The following LRFN5 variants were observed in gnomAD, a reference collection of about 807,000 sequenced individuals.
LRFN5 encodes the protein leucine-rich repeat and fibronectin type-III domain-containing protein 5.
Under a neutral mutation model 45.6 loss-of-function variants are expected in LRFN5, and 24 were observed. The observed-to-expected ratio is 0.53, with a 90% CI of 0.38 to 0.74. The LOEUF (loss-of-function observed/expected upper bound fraction) is 0.74, where lower values mean the gene tolerates loss of function less well. Among genes scored for constraint, LRFN5 ranks in the 30% least tolerant of loss-of-function variants. LRFN5 has a pLI of 0.00. For missense variants in LRFN5, 776 were observed against 861.5 expected (o/e 0.90, Z 1.24); for synonymous variants, 340 against 313.8 (o/e 1.08, Z -0.88).
At chr14:41,633,535 A>G (rs1212942998) in intron 1 of LRFN5, among the ~76,000 whole-genome samples, 1 of 152,176 alleles carries the variant, frequency 6.6e-6, no homozygotes, top group Non-Finnish European at 1.5e-5. Context: ...GTTTAGTGAA[A>G]CAATCTGCTA....
At chr14:41,840,578 A>G (rs1016525821) in intron 2 of LRFN5, among the ~76,000 whole-genome samples, 1 of 152,030 alleles carries the variant, frequency 6.6e-6, no homozygotes, top group Admixed American at 6.6e-5. Context: ...CAATGATAAG[A>G]ACTCTGGTGT....
chr14:41,824,120 T>C (rs894249937), intron 2 of LRFN5, among the ~76,000 whole-genome samples: 6 of 152,302 alleles, frequency 3.9e-5, no homozygotes, highest in Admixed American at 2.0e-4. Context: ...TCTGATCTAA[T>C]TGAGTTCCCT....
At chr14:41,902,709 T>C (rs1041512621) in intron 5 of LRFN5, among the ~76,000 whole-genome samples, 1 of 151,870 alleles carries the variant, frequency 6.6e-6, no homozygotes, top group African/African-American at 2.4e-5. Flanking sequence ...CTTAAACTAG[T>C]TATTTTGTCC....
chr14:41,659,586 C>T (rs1880541078), intron 1 of LRFN5, among the ~76,000 whole-genome samples: 2 of 152,090 alleles, frequency 1.3e-5, no homozygotes, highest in African/African-American at 4.8e-5. Context: ...ATTGCTGGGT[C>T]AAATGGTATT....
chr14:41,842,099 T>C (rs1251043625), intron 2 of LRFN5, among the ~76,000 whole-genome samples: 1 of 152,074 alleles, frequency 6.6e-6, no homozygotes, highest in African/African-American at 2.4e-5. Context: ...CAATTTGATA[T>C]ATGCTATAAA....
At chr14:41,754,522 A>G (rs1285593681) in intron 1 of LRFN5, among the ~76,000 whole-genome samples, 5 of 152,128 alleles carry the variant, frequency 3.3e-5, no homozygotes, top group Non-Finnish European at 5.9e-5. Flanking sequence ...GAATTTATCC[A>G]TTTCTTCTAG....
At chr14:41,783,672 C>T (rs377588194) in intron 2 of LRFN5, among the ~76,000 whole-genome samples, 3 of 151,910 alleles carry the variant, frequency 2.0e-5, no homozygotes, top group Non-Finnish European at 2.9e-5. Flanking sequence ...TACAGTACCT[C>T]TTTAAGACTT....
intron 2 of LRFN5, among the ~76,000 whole-genome samples, chr14:41,803,314 T>C (rs1054130000): frequency 5.3e-5 from 8 of 152,166 alleles, no homozygotes; most frequent in Non-Finnish European, 1.2e-4. Context: ...TTTAAAAAGC[T>C]AATTCAACTC....
intron 2 of LRFN5, among the ~76,000 whole-genome samples, chr14:41,781,622 GAAA>G (rs1886520153): frequency 8.3e-6 from 1 of 120,818 alleles, no homozygotes; most frequent in African/African-American, 3.4e-5. Context: ...GAAAGAGAAA[GAAA>G]GAAAGAAAGG....
intron 2 of LRFN5, among the ~76,000 whole-genome samples, chr14:41,774,282 C>T (rs1394098944): frequency 6.6e-6 from 1 of 152,080 alleles, no homozygotes; most frequent in Non-Finnish European, 1.5e-5. Flanking sequence ...TGTGAATGTG[C>T]AGTTGATCTC....
intron 2 of LRFN5, among the ~76,000 whole-genome samples, chr14:41,802,022 A>T (rs17781427): frequency 0.15 from 22,874 of 152,090 alleles, 1,852 homozygotes; most frequent in Non-Finnish European, 0.18. Flanking sequence ...TTAGATGAGA[A>T]GAAACAGGGT....
chr14:41,722,565 G>GTTTTT (rs201341679), intron 1 of LRFN5, among the ~76,000 whole-genome samples: 1 of 145,778 alleles, frequency 6.9e-6, no homozygotes, highest in African/African-American at 2.5e-5. Flanking sequence ...AAAATACGGT[G>GTTTTT]TTTTTTTTTT....
chr14:41,691,543 G>T (rs1882378192), intron 1 of LRFN5, among the ~76,000 whole-genome samples: 2 of 151,906 alleles, frequency 1.3e-5, no homozygotes, highest in South Asian at 4.1e-4. Flanking sequence ...TATGTTATTG[G>T]TGCAATTGTG....
intron 2 of LRFN5, among the ~76,000 whole-genome samples, chr14:41,880,883 A>G (rs973257876): frequency 6.6e-6 from 1 of 152,228 alleles, no homozygotes; most frequent in Admixed American, 6.5e-5. Context: ...AAATGCCCAT[A>G]TTTATCTCTC....
intron 1 of LRFN5, among the ~76,000 whole-genome samples, chr14:41,730,107 A>G (rs1319639764): frequency 6.6e-6 from 1 of 152,060 alleles, no homozygotes; most frequent in Non-Finnish European, 1.5e-5. Flanking sequence ...TTTTCTGTTC[A>G]TAAATAAAGA....
At chr14:41,897,365 A>G (rs1890975669) in intron 4 of LRFN5, among the ~76,000 whole-genome samples, 4 of 152,050 alleles carry the variant, frequency 2.6e-5, no homozygotes, top group Middle Eastern at 3.4e-3. Flanking sequence ...TACACTTAGA[A>G]TGATTGTCTT....
At chr14:41,839,988 T>C (rs1296937648) in intron 2 of LRFN5, among the ~76,000 whole-genome samples, 1 of 152,134 alleles carries the variant, frequency 6.6e-6, no homozygotes, top group Non-Finnish European at 1.5e-5. Context: ...ATTCTTCCTC[T>C]CTTTTGTTCA....
chr14:41,770,395 C>T (rs763078141), intron 2 of LRFN5, among the ~76,000 whole-genome samples: 1 of 152,164 alleles, frequency 6.6e-6, no homozygotes, highest in Non-Finnish European at 1.5e-5. Context: ...GTCTAAAGTC[C>T]TGTCTCATCT....
intron 1 of LRFN5, among the ~76,000 whole-genome samples, chr14:41,709,538 A>T (rs1193988155): frequency 6.6e-6 from 1 of 151,896 alleles, no homozygotes; most frequent in African/African-American, 2.4e-5. Flanking sequence ...ATATTTTCCT[A>T]GTCATATTTT....
Sources: gnomAD v4.1 joint callset for allele counts (sites outside exome capture counted in the v4.1 genomes callset) on GRCh38, gnomAD v4.1.1 for gene constraint, MANE v1.5 for transcripts, NCBI Gene and HGNC (gene_info 2026-07-23, HGNC 2026-07-21) for gene names.